AKAP6: variants seen among roughly 807,000 people sequenced by gnomAD.
The protein encoded by AKAP6 is A-kinase anchor protein 6.
A neutral mutation model predicts 188.5 loss-of-function variants in AKAP6; 58 were observed. The observed-to-expected ratio is 0.31, with a 90% confidence interval of 0.25 to 0.38. The LOEUF (loss-of-function observed/expected upper bound fraction) is 0.38, where lower values mean the gene tolerates loss of function less well. AKAP6 is among the 10% of genes least tolerant of loss of function. The probability of loss-of-function intolerance (pLI) is 1.00; values close to 1 mark genes in which losing one functional copy is unlikely to be tolerated. For missense variants in AKAP6, 2,710 were observed against 2,740.0 expected, an observed-to-expected ratio of 0.99 and a Z score of 0.24; for synonymous variants, 989 against 998.6, an observed-to-expected ratio of 0.99 and a Z score of 0.18.
In AKAP6 at chr14:32,716,236, A is replaced by G. The variant is rs369222948; in HGVS notation, c.3001-16218A>G. On this transcript the variant is annotated intron_variant, in intron 9 of 13. Transcript: ENST00000280979. ...TCACCATGTTTATGTTTAATCACTCATGAGCGATTAAATGGTTACATATGT... is the reference window on the plus strand; with the variant it reads ...TCACCATGTTTATGTTTAATCACTCGTGAGCGATTAAATGGTTACATATGT... 2.4e-4 allele frequency among the ~76,000 whole-genome samples: 36 copies of G among 151,994 alleles called. 2 individuals carry two copies. In the South Asian group the frequency reaches 7.2e-3, roughly 31 times the overall value.
chr14:32,398,432 T>C (rs1474526333), intron 1 of AKAP6, among the ~76,000 whole-genome samples: 1 of 152,228 alleles, frequency 6.6e-6, no homozygotes, highest in Admixed American at 6.5e-5. Flanking sequence ...TGCCAAGTGA[T>C]TCATACATGC....
chr14:32,395,328 G>A (rs531937190), intron 1 of AKAP6, among the ~76,000 whole-genome samples: 1 of 152,164 alleles, frequency 6.6e-6, no homozygotes, highest in African/African-American at 2.4e-5. Context: ...ATCATTAGTA[G>A]CAAGTTACTT....
At chr14:32,337,260 A>G (rs188296256) in intron 1 of AKAP6, among the ~76,000 whole-genome samples, 2 of 152,306 alleles carry the variant, frequency 1.3e-5, no homozygotes, top group African/African-American at 2.4e-5. Context: ...TTTTAAATTA[A>G]AAGTAAATAA....
intron 12 of AKAP6, among the ~76,000 whole-genome samples, chr14:32,782,075 G>T (rs1476790838): frequency 6.6e-6 from 1 of 151,442 alleles, no homozygotes; most frequent in Non-Finnish European, 1.5e-5. Flanking sequence ...TGAGGCAGGA[G>T]AATTGCTTCA....
At chr14:32,736,852 C>T (rs2031451786) in intron 11 of AKAP6, among the ~76,000 whole-genome samples, 1 of 152,102 alleles carries the variant, frequency 6.6e-6, no homozygotes. Flanking sequence ...ATCTTGCTCA[C>T]CTCTATAACC....
intron 1 of AKAP6, among the ~76,000 whole-genome samples, chr14:32,354,531 T>C (rs114418166): frequency 0.025 from 3,821 of 152,316 alleles, 140 homozygotes; most frequent in African/African-American, 0.083. Context: ...AATTTCTTTC[T>C]ATGCAAATTC....
At chr14:32,443,144 C>T (rs928572855) in intron 2 of AKAP6, among the ~76,000 whole-genome samples, 2 of 152,040 alleles carry the variant, frequency 1.3e-5, no homozygotes, top group Non-Finnish European at 2.9e-5. Flanking sequence ...GCCTGTAATC[C>T]CAGTACTTTG....
chr14:32,776,883 T>C (rs2033084213), intron 12 of AKAP6, among the ~76,000 whole-genome samples: 1 of 151,818 alleles, frequency 6.6e-6, no homozygotes. Context: ...CAGGGCAGAG[T>C]GCCAAAGAGG....
intron 4 of AKAP6, among the ~76,000 whole-genome samples, chr14:32,565,306 A>G (rs1884138400): frequency 6.6e-6 from 1 of 152,128 alleles, no homozygotes; most frequent in Non-Finnish European, 1.5e-5. Flanking sequence ...GTAATGCTTC[A>G]AGAAAAACTG....
At chr14:32,581,674 G>A (rs1299407628) in intron 5 of AKAP6, among the ~76,000 whole-genome samples, 2 of 152,116 alleles carry the variant, frequency 1.3e-5, no homozygotes, top group Admixed American at 6.5e-5. Context: ...GAATCTGGGT[G>A]CTCCTGTATT....
At chr14:32,664,509 T>C (rs915806348) in intron 7 of AKAP6, among the ~76,000 whole-genome samples, 1 of 152,154 alleles carries the variant, frequency 6.6e-6, no homozygotes, top group African/African-American at 2.4e-5. Flanking sequence ...TTTGAAAATA[T>C]TACTGCAGTG....
intron 1 of AKAP6, chr14:32,403,411 G>T (rs1889164426): frequency 6.6e-6 from 1 of 152,178 alleles, no homozygotes; most frequent in Non-Finnish European, 1.5e-5. Context: ...GAGAAATGGA[G>T]ATTAAATTGA....
chr14:32,454,712 CCTCCTTCT>C (rs1566512186), intron 2 of AKAP6, among the ~76,000 whole-genome samples: 43 of 56,864 alleles, frequency 7.6e-4, no homozygotes, highest in Non-Finnish European at 1.1e-3. Context: ...TCCCTCCTTC[CCTCCTTCT>C]CTCCTTCCCT....
chr14:32,357,620 A>G (rs17098891), intron 1 of AKAP6, among the ~76,000 whole-genome samples: 14,407 of 152,288 alleles, frequency 0.095, 814 homozygotes, highest in African/African-American at 0.14. Flanking sequence ...CTTACAGCAT[A>G]CAATCAAATC....
chr14:32,360,903 C>T (rs922768108), intron 1 of AKAP6, among the ~76,000 whole-genome samples: 1 of 151,472 alleles, frequency 6.6e-6, no homozygotes, highest in African/African-American at 2.4e-5. Flanking sequence ...GCCACCATGC[C>T]CAGCTAATTA....
At chr14:32,728,124 C>T (rs1305396368) in intron 9 of AKAP6, among the ~76,000 whole-genome samples, 1 of 150,036 alleles carries the variant, frequency 6.7e-6, no homozygotes, top group African/African-American at 2.5e-5. Flanking sequence ...GCTGAGGGGC[C>T]ACCATGAAGC....
chr14:32,384,255 C>T (rs1040332374), intron 1 of AKAP6, among the ~76,000 whole-genome samples: 1 of 152,176 alleles, frequency 6.6e-6, no homozygotes. Flanking sequence ...TCTTTCTTTA[C>T]TCGGTAAATT....
chr14:32,700,349 G>A (rs1159012710), intron 9 of AKAP6, among the ~76,000 whole-genome samples: 6 of 152,064 alleles, frequency 3.9e-5, no homozygotes, highest in African/African-American at 1.4e-4. Flanking sequence ...AATTTCAAGG[G>A]CCAAATTCAG....
chr14:32,628,919 G>C (rs953187633), intron 7 of AKAP6, among the ~76,000 whole-genome samples: 3 of 151,982 alleles, frequency 2.0e-5, no homozygotes, highest in Non-Finnish European at 4.4e-5. Context: ...GAAAGTTAAT[G>C]CCAGAACTTT....
Sources: allele counts gnomAD v4.1 joint callset (sites outside exome capture counted in the v4.1 genomes callset), GRCh38; gene constraint gnomAD v4.1.1; transcripts MANE v1.5; gene names NCBI Gene and HGNC (gene_info 2026-07-23, HGNC 2026-07-21).